The following MEDAG variants were observed in gnomAD, a reference collection of about 807,000 sequenced individuals.
The protein encoded by MEDAG is mesenteric estrogen dependent adipogenesis, also known as mesenteric estrogen-dependent adipogenesis protein.
In MEDAG, 25 loss-of-function variants were observed where a neutral mutation model predicts 29.9. That is an observed-to-expected ratio of 0.84 (90% confidence interval 0.61 to 1.17). The LOEUF is 1.17. Among genes scored for constraint, MEDAG ranks in the 50% most tolerant of loss-of-function variants. The pLI, the probability that MEDAG is intolerant of heterozygous loss-of-function variation, is 0.00. For synonymous variants in MEDAG, 158 were observed against 148.2 expected (o/e 1.07, Z -0.48); for missense variants, 398 against 372.9 (o/e 1.07, Z -0.56).
chr13:30,910,807 C>T (rs141398104), intron 1 of MEDAG, among the ~76,000 whole-genome samples: 1 of 152,328 alleles, frequency 6.6e-6, no homozygotes, highest in African/African-American at 2.4e-5. Context: ...AGGGCTGGAA[C>T]ACACTTGGAA....
chr13:30,916,189 A>C (rs1392327917), intron 1 of MEDAG: 1 of 152,198 alleles, frequency 6.6e-6, no homozygotes, highest in Non-Finnish European at 1.5e-5. Context: ...GCCTCAGGGT[A>C]GATATTCTCT....
intron 1 of MEDAG, 37 bp downstream of exon 1, chr13:30,906,830 G>A: frequency 7.0e-7 from 1 of 1,425,848 alleles, no homozygotes; most frequent in Non-Finnish European, 9.1e-7. Flanking sequence ...CCCGTCGCCT[G>A]GTACCCGCAG....
At chr13:30,917,304 C>T (rs1952938333) in intron 1 of MEDAG, 99 bp from the exon 2 acceptor site, 1 of 760,778 alleles carries the variant, frequency 1.3e-6, no homozygotes, top group Non-Finnish European at 2.3e-6. Flanking sequence ...AACTTCCCTC[C>T]AAGGTCTGTG....
chr13:30,916,774 T>C (rs569616133), intron 1 of MEDAG: 1 of 152,436 alleles, frequency 6.6e-6, no homozygotes, highest in East Asian at 1.9e-4. Flanking sequence ...CAGAAAGATC[T>C]TCCTAAATGA....
Position 30,906,564 on chromosome 13 carries a change from A to G in MEDAG, c.49A>G (p.Ile17Val). 6.4e-7 allele frequency: 1 copy of G among 1,573,380 alleles called. No individual in the cohort carries two copies. The highest frequency in any genetic ancestry group is 8.6e-7 in the Non-Finnish European group (1 of 1,169,048). Residue 17 changes from isoleucine (I) to valine (V), a missense_variant, in exon 1 of 5, where the codon ATC becomes GTC. By Grantham distance (29) the Ile-to-Val change is conservative. Coordinates refer to ENST00000380482, the MANE Select transcript of MEDAG (RefSeq NM_032849.4). ...GGTGGCCAGGCCGAGCCTGACCTCC[A>G]TCTCGTCTGGGGAGCTTCGCAGCCT... ...EPVARPSLTS[I>V]SSGELRSLWT...
chr13:30,915,818 C>A (rs370192454), intron 1 of MEDAG, among the ~76,000 whole-genome samples: 3 of 151,932 alleles, frequency 2.0e-5, no homozygotes, highest in Non-Finnish European at 4.4e-5. Flanking sequence ...CACCCCAGCG[C>A]CCCACCCCAG....
At chr13:30,910,193 A>AACAC (rs77242350) in intron 1 of MEDAG, among the ~76,000 whole-genome samples, 33,356 of 149,010 alleles carry the variant, frequency 0.22, 3,987 homozygotes, top group South Asian at 0.31. Context: ...CACACACACA[A>AACAC]ACACACACAC....
In MEDAG at chr13:30,921,115, T is replaced by C. The variant is rs1952980728; in HGVS notation, c.490T>C (p.Tyr164His). The C allele has an allele frequency of 1.2e-6, 2 of 1,613,456 alleles. No individual in the cohort carries two copies. The highest frequency in any genetic ancestry group is 1.7e-6 in the Non-Finnish European group (2 of 1,179,746). The change falls in exon 3 of 5, where the codon TAC becomes CAC. Residue 164 changes from tyrosine to histidine, a missense_variant. By Grantham distance (83) the Tyr-to-His change is moderately conservative. Transcript: ENST00000380482. ...MVISSVIGES[Y>H]RLQFDFQEAV... ...CATCTCCTCAGTGATTGGAGAAAGT[T>C]ACCGGCTTCAGGTAAGCCTAGCCTG...
At chr13:30,914,028 T>C (rs1377416886) in intron 1 of MEDAG, among the ~76,000 whole-genome samples, 3 of 151,808 alleles carry the variant, frequency 2.0e-5, no homozygotes, top group East Asian at 1.9e-4. Context: ...GGTGAAAGAG[T>C]GAGACTCCAT....
intron 1 of MEDAG, among the ~76,000 whole-genome samples, chr13:30,915,316 G>T (rs533249926): frequency 2.1e-4 from 32 of 152,266 alleles, no homozygotes; most frequent in African/African-American, 6.5e-4. Context: ...TATGATATTT[G>T]TGCTGGGTGT....
intron 2 of MEDAG, 105 bp from the exon 3 acceptor site, chr13:30,920,909 T>C: frequency 1.2e-6 from 1 of 846,494 alleles, no homozygotes; most frequent in Non-Finnish European, 1.9e-6. Flanking sequence ...TATAAATGAA[T>C]AAAATCTTCA....
At position 30,906,614 on chromosome 13, in the gene MEDAG, C is replaced by G; in HGVS notation, c.99C>G (p.Ala33=). The G allele has an allele frequency of 6.3e-7, 1 of 1,585,142 alleles. No individual in the cohort carries two copies. Among genetic ancestry groups the G allele is most frequent in the Non-Finnish European group, 8.5e-7 (1 of 1,174,508 alleles). Residue 33 remains alanine (A), a synonymous_variant, in exon 1 of 5, where the codon GCC becomes GCG. Coordinates refer to ENST00000380482, the MANE Select transcript of MEDAG (RefSeq NM_032849.4). ...RSLWTCDCEL[A]LLPLAQLLRL... is the part of the protein sequence containing the mutation. ...TGTGGACCTGCGACTGCGAGCTGGC[C>G]CTGCTGCCGCTGGCTCAGCTGCTGC...
chr13:30,909,161 G>T (rs1231046832), intron 1 of MEDAG: 1 of 151,680 alleles, frequency 6.6e-6, no homozygotes, highest in African/African-American at 2.4e-5. Context: ...CCCTGGATCA[G>T]TGACACCAGG....
chr13:30,913,729 A>G (rs1952901889), intron 1 of MEDAG, among the ~76,000 whole-genome samples: 1 of 152,154 alleles, frequency 6.6e-6, no homozygotes, highest in East Asian at 1.9e-4. Context: ...CAATATTTGC[A>G]TTAGTAATTC....
At position 30,925,203 on chromosome 13, in the gene MEDAG, T is replaced by A. The variant is rs927494762; in HGVS notation, c.*768T>A. 6.6e-6 allele frequency: 1 copy of A among 152,066 alleles called. No individual in the cohort carries two copies. The highest frequency in any genetic ancestry group is 2.4e-5 in the African/African-American group (1 of 41,392). 9.4% of individuals were successfully genotyped at this position (152,066 alleles called of 1,614,324 possible). On this transcript the variant is annotated 3_prime_UTR_variant, in exon 5 of 5. Coordinates refer to ENST00000380482, the MANE Select transcript of MEDAG (RefSeq NM_032849.4). ...TCCTCCTTATTGAAAACACATTATG[T>A]CAGTTGGGAATTTTAAATAAGCTTT...
At chr13:30,907,562 T>C (rs1189408791) in intron 1 of MEDAG, among the ~76,000 whole-genome samples, 1 of 152,156 alleles carries the variant, frequency 6.6e-6, no homozygotes, top group Non-Finnish European at 1.5e-5. Flanking sequence ...CAGGCTTTGG[T>C]GCCACAGGGT....
chr13:30,906,606 G>C lies in MEDAG; in HGVS notation c.91G>C (p.Glu31Gln), dbSNP rs767436094. Residue 31 changes from glutamate (E) to glutamine (Q), a missense_variant, in exon 1 of 5, where the codon GAG becomes CAG. Coordinates refer to ENST00000380482, the MANE Select transcript of MEDAG (RefSeq NM_032849.4). ...ELRSLWTCDC[E>Q]LALLPLAQLL... ...TCGCAGCCTGTGGACCTGCGACTGC[G>C]AGCTGGCCCTGCTGCCGCTGGCTCA... 21 of 1,586,258 alleles carry C rather than the reference G, an allele frequency of 1.3e-5. No homozygotes were observed. In the African/African-American group the frequency reaches 2.5e-4, roughly 19 times the overall value.
chr13:30,921,822 C>A lies in MEDAG; in HGVS notation c.763C>A (p.Arg255=), dbSNP rs376683172. The change falls in exon 4 of 5, where the codon CGA becomes AGA. Residue 255 remains arginine, a synonymous_variant. Transcript: ENST00000380482. ...AATCCGAAGGAGCAGTTTCTCTGAC[C>A]GAAAGTTCAGTGTAACTTCCAGAGG... is the stretch of plus-strand genomic sequence containing the variant. ...PLIRRSSFSD[R]KFSVTSRGSI... is the part of the protein sequence containing the mutation. The A allele has an allele frequency of 3.7e-6, 6 of 1,608,298 alleles. No homozygotes were observed. The South Asian group carries it at 5.6e-5, about 15-fold the overall frequency.
At chr13:30,909,114 C>T (rs1258243708) in intron 1 of MEDAG, 1 of 56,602 alleles carries the variant, frequency 1.8e-5, no homozygotes, top group East Asian at 4.3e-4. Context: ...GAGACCCTGT[C>T]TCAAAAAAAA....
Sources: gnomAD v4.1 joint callset for allele counts (sites outside exome capture counted in the v4.1 genomes callset) on GRCh38, gnomAD v4.1.1 for gene constraint, MANE v1.5 for transcripts, NCBI Gene and HGNC (gene_info 2026-07-23, HGNC 2026-07-21) for gene names.